Variants in UBE4B observed in about 807,000 individuals in gnomAD.
UBE4B encodes ubiquitin conjugation factor E4 B.
Under a neutral mutation model 148.1 loss-of-function variants are expected in UBE4B, and 27 were observed. The observed-to-expected ratio is 0.18, with a 90% CI of 0.13 to 0.25. The LOEUF (loss-of-function observed/expected upper bound fraction) is 0.25, where lower values mean the gene tolerates loss of function less well. Among genes scored for constraint, UBE4B ranks in the 10% least tolerant of loss-of-function variants. The pLI, the probability that UBE4B is intolerant of heterozygous loss-of-function variation, is 1.00. For synonymous variants in UBE4B, 596 were observed against 619.3 expected (o/e 0.96, Z 0.56); for missense variants, 1,170 against 1,662.4 (o/e 0.70, Z 5.15).
intron 1 of UBE4B, among the ~76,000 whole-genome samples, chr1:10,044,131 C>T (rs780064140): frequency 7.9e-5 from 12 of 151,896 alleles, no homozygotes; most frequent in Non-Finnish European, 1.5e-4. Context: ...CTCCACCTGC[C>T]AGGTGCCAGG....
rs953080850 is a variant in UBE4B, at chr1:10,180,208, A to G, written c.*252A>G. 1 of 539,902 alleles carries G rather than the reference A, an allele frequency of 1.9e-6. No individual in the cohort carries two copies. The highest frequency in any genetic ancestry group is 3.3e-6 in the Non-Finnish European group (1 of 304,332). The allele number at this position is 539,902 out of a possible 1,614,324, so 33.4% of individuals were successfully genotyped here. ...GGACAGGTTTTATGGTTGCTTGTGT[A>G]ATAAAGCATGTCCTTCGTATGTCAC... On this transcript the variant is annotated 3_prime_UTR_variant, in exon 28 of 28. Transcript: ENST00000343090.
chr1:10,066,180 G>A (rs944765988), intron 1 of UBE4B, among the ~76,000 whole-genome samples: 6 of 151,352 alleles, frequency 4.0e-5, no homozygotes, highest in Non-Finnish European at 8.8e-5. Context: ...CTGACACCCC[G>A]GCTGGAGTGC....
chr1:10,141,522 G>A (rs1488910988), intron 17 of UBE4B, among the ~76,000 whole-genome samples: 1 of 152,206 alleles, frequency 6.6e-6, no homozygotes, highest in African/African-American at 2.4e-5. Context: ...CTATAATTGT[G>A]TGGTTTGGAG....
intron 1 of UBE4B, among the ~76,000 whole-genome samples, chr1:10,047,171 T>C (rs1238064834): frequency 1.3e-5 from 2 of 152,238 alleles, no homozygotes; most frequent in Non-Finnish European, 2.9e-5. Flanking sequence ...AGCTTCCAGA[T>C]TCTGTGTATT....
chr1:10,107,116 A>C, intron 7 of UBE4B: 11 of 1,113,408 alleles, frequency 9.9e-6, no homozygotes, highest in Non-Finnish European at 9.5e-6. Context: ...CAGTGGCCAA[A>C]AGTTTTAGTG....
intron 23 of UBE4B, among the ~76,000 whole-genome samples, chr1:10,166,972 A>AC (rs1557612300): frequency 0.036 from 4,370 of 120,136 alleles, 109 homozygotes; most frequent in Admixed American, 0.11. Flanking sequence ...CACACACACA[A>AC]AAAAAAAAAA....
intron 2 of UBE4B, among the ~76,000 whole-genome samples, chr1:10,080,188 G>A (rs1349670685): frequency 3.3e-5 from 5 of 152,092 alleles, no homozygotes; most frequent in Admixed American, 1.3e-4. Context: ...TTGGGAGGCC[G>A]AGATGGAGGG....
chr1:10,134,467 G>A (rs942699607), intron 15 of UBE4B, among the ~76,000 whole-genome samples: 4 of 151,944 alleles, frequency 2.6e-5, no homozygotes, highest in Admixed American at 6.6e-5. Flanking sequence ...AGCGAGGATC[G>A]TGCCACTGCA....
At chr1:10,034,490 C>A (rs1402516429) in intron 1 of UBE4B, among the ~76,000 whole-genome samples, 2 of 148,488 alleles carry the variant, frequency 1.3e-5, no homozygotes, top group East Asian at 2.0e-4. Context: ...AAAAAAAAAA[C>A]AACCAAAAAG....
chr1:10,109,479 C>T (rs1259450968), intron 7 of UBE4B, among the ~76,000 whole-genome samples: 2 of 151,998 alleles, frequency 1.3e-5, no homozygotes, highest in African/African-American at 4.8e-5. Context: ...CCTTGTTGGC[C>T]GTTACAGTGA....
chr1:10,067,641 C>T (rs1165472956), intron 1 of UBE4B, among the ~76,000 whole-genome samples: 5 of 150,722 alleles, frequency 3.3e-5, no homozygotes, highest in African/African-American at 9.8e-5. Flanking sequence ...TTTTGAGACC[C>T]GGCTCTCACC....
chr1:10,133,676 C>T (rs930975298), intron 15 of UBE4B, among the ~76,000 whole-genome samples: 3 of 151,696 alleles, frequency 2.0e-5, no homozygotes, highest in Non-Finnish European at 2.9e-5. Flanking sequence ...TTTGGGAGGC[C>T]GAGGTGGGAG....
intron 1 of UBE4B, among the ~76,000 whole-genome samples, chr1:10,041,824 G>A (rs1643781318): frequency 6.6e-6 from 1 of 151,930 alleles, no homozygotes; most frequent in African/African-American, 2.4e-5. Context: ...AGCCTCCCGA[G>A]TAGCTGGGGT....
At chr1:10,072,351 A>C (rs1251909585) in intron 2 of UBE4B, 137 bp downstream of exon 2, 8 of 1,036,678 alleles carry the variant, frequency 7.7e-6, no homozygotes, top group Middle Eastern at 4.2e-4. Context: ...CAGTAGTTTA[A>C]ATATCATTGC....
chr1:10,044,932 T>G (rs1034509179), intron 1 of UBE4B, among the ~76,000 whole-genome samples: 18 of 152,166 alleles, frequency 1.2e-4, no homozygotes, highest in Non-Finnish European at 2.6e-4. Flanking sequence ...AATGAAATAA[T>G]TTTACAACCC....
intron 1 of UBE4B, among the ~76,000 whole-genome samples, chr1:10,050,688 A>G (rs2101792551): frequency 6.6e-6 from 1 of 151,246 alleles, no homozygotes; most frequent in South Asian, 2.1e-4. Context: ...GAATGAATGC[A>G]GTGATACAAC....
At chr1:10,089,237 C>A (rs1644810482) in intron 2 of UBE4B, among the ~76,000 whole-genome samples, 1 of 151,848 alleles carries the variant, frequency 6.6e-6, no homozygotes, top group African/African-American at 2.4e-5. Flanking sequence ...GATCTCTTGA[C>A]CTCGTAATCT....
At chr1:10,034,147 C>G (rs1643409540) in intron 1 of UBE4B, among the ~76,000 whole-genome samples, 1 of 152,144 alleles carries the variant, frequency 6.6e-6, no homozygotes, top group Admixed American at 6.6e-5. Flanking sequence ...ACTGTATAAG[C>G]TTGATTAAAC....
chr1:10,135,851 G>T (rs1463249605), intron 16 of UBE4B, among the ~76,000 whole-genome samples: 5 of 151,826 alleles, frequency 3.3e-5, no homozygotes, highest in African/African-American at 1.2e-4. Context: ...GAAGAAGTAG[G>T]TGATATTTAA....
Sources: gnomAD v4.1 joint callset for allele counts (sites outside exome capture counted in the v4.1 genomes callset) on GRCh38, gnomAD v4.1.1 for gene constraint, MANE v1.5 for transcripts, NCBI Gene and HGNC (gene_info 2026-07-23, HGNC 2026-07-21) for gene names.